CNGB1: variants seen among roughly 807,000 people sequenced by gnomAD.
CNGB1 encodes the protein cyclic nucleotide-gated channel beta-1.
A neutral mutation model predicts 151.7 loss-of-function variants in CNGB1; 126 were observed. The observed-to-expected ratio is 0.83, with a 90% CI of 0.72 to 0.96. CNGB1 has a LOEUF of 0.96. Ranked by LOEUF, CNGB1 falls within the 40% of genes least tolerant of loss-of-function variation. The probability of loss-of-function intolerance (pLI) is 0.00; values close to 1 mark genes in which losing one functional copy is unlikely to be tolerated. For synonymous variants in CNGB1, 623 were observed against 635.1 expected (o/e 0.98, Z 0.29); for missense variants, 1,698 against 1,627.0 (o/e 1.04, Z -0.75).
intron 29 of CNGB1, among the ~76,000 whole-genome samples, chr16:57,899,667 T>A (rs1960333246): frequency 6.6e-6 from 1 of 151,772 alleles, no homozygotes; most frequent in South Asian, 2.1e-4. Context: ...AACAAATAAA[T>A]AAATAAGGGG....
intron 12 of CNGB1, chr16:57,955,222 G>A: frequency 6.5e-7 from 1 of 1,538,468 alleles, no homozygotes; most frequent in East Asian, 2.5e-5. Context: ...GGGGTTCGCT[G>A]TTCAAATAGG....
chr16:57,941,211 A>T (rs1230466137), intron 14 of CNGB1, among the ~76,000 whole-genome samples: 1 of 152,222 alleles, frequency 6.6e-6, no homozygotes, highest in East Asian at 1.9e-4. Flanking sequence ...ATGATGACTC[A>T]GGACCAGGGA....
At chr16:57,902,294 C>T (rs1196605330) in intron 27 of CNGB1, among the ~76,000 whole-genome samples, 2 of 152,050 alleles carry the variant, frequency 1.3e-5, no homozygotes, top group African/African-American at 4.8e-5. Context: ...TGGTCTCAAA[C>T]TCCTGACCTC....
chr16:57,890,829 A>G (rs1222631766), intron 31 of CNGB1, among the ~76,000 whole-genome samples: 1 of 152,086 alleles, frequency 6.6e-6, no homozygotes, highest in African/African-American at 2.4e-5. Context: ...CTCATACACA[A>G]TCCCCTGCCT....
intron 32 of CNGB1, among the ~76,000 whole-genome samples, chr16:57,885,527 T>A (rs563212147): frequency 2.7e-5 from 4 of 149,790 alleles, no homozygotes; most frequent in Admixed American, 1.3e-4. Flanking sequence ...CCTTCCTTTT[T>A]TCCTTCCTTC....
Position 57,962,962 on chromosome 16 carries a change from C to T in CNGB1, c.381+12G>A. ...CCAACCCGGCCCCTTCAGCCTCCAG[C>T]CCCAGCAGTACCTGAGCCGGGTCCT... On this transcript the variant is annotated intron_variant, in intron 5 of 32. Coordinates refer to ENST00000251102, the MANE Select transcript of CNGB1 (RefSeq NM_001297.5). The T allele has an allele frequency of 1.2e-6, 2 of 1,613,064 alleles. No homozygotes were observed. Among genetic ancestry groups the T allele is most frequent in the Non-Finnish European group, 8.5e-7 (1 of 1,179,992 alleles).
In CNGB1 at chr16:57,897,515, G is replaced by C. The variant is rs1241546157; in HGVS notation, c.3124C>G (p.Arg1042Gly). The part of the protein sequence containing the change: ...SLLAVGGGNR[R>G]TANVVAHGFT... ...CCGTGCGCCACCACGTTGGCCGTGC[G>C]CCGGTTCCCGCCCCCAACAGCCAGC... Residue 1042 changes from arginine (R) to glycine (G), a missense_variant, in exon 31 of 33, where the codon CGC (arginine) becomes GGC (glycine). Arg to Gly is a moderately radical substitution (Grantham distance 125). Transcript: ENST00000251102. The C allele has an allele frequency of 6.2e-7, 1 of 1,614,116 alleles. No homozygotes were observed. The highest frequency in any genetic ancestry group is 2.2e-5 in the East Asian group (1 of 44,872).
intron 13 of CNGB1, among the ~76,000 whole-genome samples, chr16:57,949,842 A>G (rs1450594419): frequency 4.6e-5 from 7 of 152,222 alleles, no homozygotes; most frequent in South Asian, 2.1e-4. Flanking sequence ...CCACATTCCC[A>G]TGACCAATGA....
Position 57,923,520 on chromosome 16 carries a change from C to T in CNGB1, c.1536-140G>A, listed in dbSNP as rs1961105969. On this transcript the variant is annotated intron_variant, in intron 17 of 32. Transcript: ENST00000251102. ...GGGGCGGAGCATGAACTTCTGAGTC[C>T]TCATTTGCCTGGAGGGAGGGAAAAC... is the stretch of plus-strand genomic sequence containing the variant. 10 of 702,012 alleles carry T rather than the reference C, an allele frequency of 1.4e-5. No individual in the cohort carries two copies. In the South Asian group the frequency reaches 1.5e-4, roughly 11 times the overall value. 43.5% of individuals were successfully genotyped at this position (702,012 alleles called of 1,614,324 possible).
intron 31 of CNGB1, among the ~76,000 whole-genome samples, chr16:57,895,546 A>ATT (rs200850310): frequency 6.8e-6 from 1 of 146,266 alleles, no homozygotes; most frequent in African/African-American, 2.5e-5. Flanking sequence ...TTATATATGT[A>ATT]TTTTTTATAT....
chr16:57,927,938 T>C (rs1021300200), intron 17 of CNGB1, among the ~76,000 whole-genome samples: 14 of 152,228 alleles, frequency 9.2e-5, no homozygotes, highest in Admixed American at 4.6e-4. Flanking sequence ...GTCTCTTTTC[T>C]CTGTGTTAAG....
intron 30 of CNGB1, 107 bp downstream of exon 30, chr16:57,897,689 G>T: frequency 6.6e-7 from 1 of 1,512,066 alleles, no homozygotes; most frequent in Non-Finnish European, 9.2e-7. Flanking sequence ...ACATCAGCAG[G>T]TGCCAGTGCT....
chr16:57,883,958 G>C lies in CNGB1; in HGVS notation c.*206C>G, dbSNP rs915400837. ...GGGACTCGAACACTTGATGCAACTT[G>C]TCGAGCTCAGGCCCAGCCCCGCGAG... is the stretch of plus-strand genomic sequence containing the variant. On this transcript the variant is annotated 3_prime_UTR_variant, in exon 33 of 33. Coordinates refer to ENST00000251102, the MANE Select transcript of CNGB1 (RefSeq NM_001297.5). The C allele has an allele frequency of 6.3e-6, 4 of 639,762 alleles. No homozygotes were observed. Among genetic ancestry groups the C allele is most frequent in the Non-Finnish European group, 8.3e-6 (3 of 362,750 alleles). 39.6% of individuals were successfully genotyped at this position (639,762 alleles called of 1,614,324 possible).
intron 24 of CNGB1, 48 bp from the exon 25 acceptor site, chr16:57,911,923 G>A (rs1450558180): frequency 3.1e-6 from 5 of 1,607,988 alleles, no homozygotes; most frequent in African/African-American, 2.7e-5. Context: ...AGGGGGAGGT[G>A]AGGTATAGAC....
At chr16:57,927,512 T>A (rs1168395900) in intron 17 of CNGB1, among the ~76,000 whole-genome samples, 1 of 152,230 alleles carries the variant, frequency 6.6e-6, no homozygotes, top group East Asian at 1.9e-4. Flanking sequence ...ATTGTCTATC[T>A]TGGCCCCTCT....
chr16:57,926,562 C>A (rs1961194708), intron 17 of CNGB1, among the ~76,000 whole-genome samples: 1 of 152,200 alleles, frequency 6.6e-6, no homozygotes, highest in South Asian at 2.1e-4. Flanking sequence ...CATGGATTCA[C>A]TTTTTTCACA....
intron 24 of CNGB1, 169 bp from the exon 25 acceptor site, chr16:57,912,044 G>T: frequency 1.2e-6 from 1 of 810,988 alleles, no homozygotes; most frequent in Non-Finnish European, 2.0e-6. Flanking sequence ...CATGACCTGG[G>T]GCTAGGATTG....
At chr16:57,932,731 C>T (rs1442005245) in intron 16 of CNGB1, among the ~76,000 whole-genome samples, 7 of 152,054 alleles carry the variant, frequency 4.6e-5, no homozygotes, top group African/African-American at 1.2e-4. Context: ...CAGGCACCTG[C>T]CACCACGCCC....
rs144421391 is a variant in CNGB1 at position 57,956,556 on chromosome 16, G to T, written c.874+785C>A. 4.9e-3 allele frequency among the ~76,000 whole-genome samples: 752 copies of T among 152,302 alleles called. 6 individuals carry two copies. Among genetic ancestry groups the T allele is most frequent in the African/African-American group, 0.017 (713 of 41,564 alleles). On this transcript the variant is annotated intron_variant, in intron 12 of 32. Transcript: ENST00000251102. ...CGGGGCTGGGGCTGGACACAGCCTT[G>T]CAGACACAGGGCAGAGCTCAGAGCC...
Sources: allele counts gnomAD v4.1 joint callset (sites outside exome capture counted in the v4.1 genomes callset), GRCh38; gene constraint gnomAD v4.1.1; transcripts MANE v1.5; gene names NCBI Gene and HGNC (gene_info 2026-07-23, HGNC 2026-07-21).